Variants in LRRC53 observed in about 807,000 individuals in gnomAD.
LRRC53 encodes the protein leucine-rich repeat-containing protein 53.
Under a neutral mutation model 13.6 loss-of-function variants are expected in LRRC53, and 25 were observed. That is an observed-to-expected ratio of 1.83 (90% CI 1.34 to 2.56). The LOEUF is 2.56. Ranked by LOEUF, LRRC53 falls within the 30% of genes most tolerant of loss-of-function variation. The probability of loss-of-function intolerance (pLI) is 0.00; values close to 1 mark genes in which losing one functional copy is unlikely to be tolerated. For missense variants in LRRC53, 527 were observed against 275.8 expected (o/e 1.91, Z -6.45); for synonymous variants, 204 against 109.8 (o/e 1.86, Z -5.37).
intron 1 of LRRC53, among the ~76,000 whole-genome samples, chr1:74,504,260 C>G (rs9726029): frequency 0.019 from 2,962 of 152,272 alleles, 92 homozygotes; most frequent in African/African-American, 0.067. Flanking sequence ...AACTCCTTTT[C>G]GGCTGATGTG....
chr1:74,532,064 G>A, the LRRC53 span, among the ~76,000 whole-genome samples: 1 of 152,106 alleles, frequency 6.6e-6, no homozygotes, highest in Non-Finnish European at 1.5e-5. Context: ...TAACCTAATG[G>A]TTTTCTGCTC....
rs566581071 is a variant in LRRC53, at chr1:74,492,155, A to G, written c.-26-8780T>C. 6.2e-7 allele frequency: 1 copy of G among 1,612,976 alleles called. No individual in the cohort carries two copies. The highest frequency in any genetic ancestry group is 1.7e-5 in the Admixed American group (1 of 59,990). On this transcript the variant is annotated intron_variant, in intron 1 of 4. Transcript: ENST00000294635. Reference sequence around the variant, plus strand: ...TCTCTCTCACCTTCTTCTTCTTCTGATTGCCTGGTGAACCGGGGAGGACCT... The same window carrying G: ...TCTCTCTCACCTTCTTCTTCTTCTGGTTGCCTGGTGAACCGGGGAGGACCT...
the LRRC53 span, among the ~76,000 whole-genome samples, chr1:74,531,565 T>A: frequency 6.6e-6 from 1 of 152,208 alleles, no homozygotes; most frequent in African/African-American, 2.4e-5. Flanking sequence ...TGTTTTCAGC[T>A]AAATGCCAAA....
At chr1:74,492,045 T>C (rs1001974437) in intron 1 of LRRC53, 59 of 1,418,032 alleles carry the variant, frequency 4.2e-5, no homozygotes, top group Non-Finnish European at 5.4e-5. Flanking sequence ...ATGTTATGTC[T>C]TCACACCTGT....
chr1:74,536,246 G>T, the LRRC53 span, among the ~76,000 whole-genome samples: 2 of 152,006 alleles, frequency 1.3e-5, no homozygotes, highest in African/African-American at 2.4e-5. Flanking sequence ...TTTACCTAGG[G>T]TGCATTAATT....
upstream of LRRC53, among the ~76,000 whole-genome samples, chr1:74,513,330 C>T (rs1361299504): frequency 6.6e-6 from 1 of 152,176 alleles, no homozygotes; most frequent in African/African-American, 2.4e-5. Context: ...ACTAGGTGTT[C>T]TTATCAGAGT....
upstream of LRRC53, among the ~76,000 whole-genome samples, chr1:74,513,305 AT>A (rs1646290904): frequency 6.6e-6 from 1 of 152,214 alleles, no homozygotes; most frequent in Non-Finnish European, 1.5e-5. Flanking sequence ...TCCTTTCATT[AT>A]TTTAATCCAG....
In LRRC53 at chr1:74,480,917, G is replaced by A. The variant is rs750887729; in HGVS notation, c.140C>T (p.Ser47Phe). ...GAGAGACAGGTTTGTGCTCTCAATA[G>A]AGGAGAGATATCCATCGGTGATGAT... ...VLIITDGYLS[S>F]IESTNLSLLF... The change falls in exon 3 of 5, where the codon TCT (serine) becomes TTT (phenylalanine). Residue 47 changes from serine (S) to phenylalanine (F), a missense_variant. Transcript: ENST00000294635. 36 of 717,280 alleles carry A rather than the reference G, an allele frequency of 5.0e-5. No homozygotes were observed. Among genetic ancestry groups the A allele is most frequent in the Non-Finnish European group, 9.1e-5 (35 of 385,092 alleles). The allele number at this position is 717,280 out of a possible 1,614,324, so 44.4% of individuals were successfully genotyped here.
intron 1 of LRRC53, among the ~76,000 whole-genome samples, chr1:74,497,947 C>G (rs904944329): frequency 2.6e-5 from 4 of 152,278 alleles, no homozygotes; most frequent in South Asian, 4.1e-4. Flanking sequence ...TCTCTCTTCT[C>G]AGATGCATCC....
intron 1 of LRRC53, among the ~76,000 whole-genome samples, chr1:74,498,956 A>C (rs1365325425): frequency 3.3e-5 from 5 of 152,244 alleles, no homozygotes; most frequent in Non-Finnish European, 5.9e-5. Flanking sequence ...TTTAGCATGA[A>C]ATAAAAGCAA....
the LRRC53 span, among the ~76,000 whole-genome samples, chr1:74,520,711 G>T: frequency 6.6e-6 from 1 of 152,054 alleles, no homozygotes; most frequent in South Asian, 2.1e-4. Context: ...AGGAAGGGAG[G>T]CCTGGGGCAT....
Position 74,480,503 on chromosome 1 carries a change from T to C in LRRC53, c.554A>G (p.Glu185Gly), listed in dbSNP as rs1444025282. The C allele has an allele frequency of 2.8e-6, 2 of 717,524 alleles. No individual in the cohort carries two copies. Among genetic ancestry groups the C allele is most frequent in the South Asian group, 3.0e-5 (2 of 67,602 alleles). 44.4% of individuals were successfully genotyped at this position (717,524 alleles called of 1,614,324 possible). ...TAACCTATTTCGGGAAAGGTCCACT[T>C]CCTGTAGTTGAGGCAGGGGCCGGAA... ...DAFRPLPQLQ[E>G]VDLSRNRLAH... Residue 185 changes from glutamate (E) to glycine (G), a missense_variant, in exon 3 of 5, where the codon GAA (glutamate) becomes GGA (glycine). Physicochemically the swap from Glu to Gly is moderately conservative, Grantham distance 98 (BLOSUM62 -2). Coordinates refer to ENST00000294635, the MANE Select transcript of LRRC53 (RefSeq NM_001382280.1).
At position 74,480,067 on chromosome 1, in the gene LRRC53, G is replaced by A. The variant is rs188334457; in HGVS notation, c.904+86C>T. 1.3e-4 allele frequency: 81 copies of A among 624,312 alleles called. No individual in the cohort carries two copies. The African/African-American group carries it at 1.3e-3, about 10-fold the overall frequency. 38.7% of individuals were successfully genotyped at this position (624,312 alleles called of 1,614,324 possible). A position where few individuals can be genotyped will look rare whatever the true frequency, so the allele number is the denominator to read the frequency against. ...TCCTTTCCATAGCCCTGGCAACCAAGTGTCTGAGATAAGCATCACTTAGCA... is the reference window on the plus strand; with the variant it reads ...TCCTTTCCATAGCCCTGGCAACCAAATGTCTGAGATAAGCATCACTTAGCA... On this transcript the variant is annotated intron_variant, in intron 3 of 4. Coordinates refer to ENST00000294635, the MANE Select transcript of LRRC53 (RefSeq NM_001382280.1).
chr1:74,523,380 A>AT, the LRRC53 span, among the ~76,000 whole-genome samples: 31 of 151,906 alleles, frequency 2.0e-4, no homozygotes, highest in African/African-American at 6.3e-4. Flanking sequence ...AGAACAAGCA[A>AT]TTTTTTTTCC....
In LRRC53 at chr1:74,470,920, G is replaced by T. The variant is rs1436539026; in HGVS notation, c.2702C>A (p.Thr901Lys). ...QHSRRATDQG[T>K]TESTEHMGQN... ...TCCCATGTGCTCAGTGGACTCCGTT[G>T]TCCCTTGGTCAGTAGCCCTCCTGGA... The change falls in exon 5 of 5, where the codon ACA (threonine) becomes AAA (lysine). Residue 901 changes from threonine (T) to lysine (K), a missense_variant. Transcript: ENST00000294635. 7.5e-6 allele frequency: 3 copies of T among 400,582 alleles called. No homozygotes were observed. Among genetic ancestry groups the T allele is most frequent in the African/African-American group, 6.2e-5 (3 of 48,686 alleles). The allele number at this position is 400,582 out of a possible 1,614,324, so 24.8% of individuals were successfully genotyped here.
In LRRC53 at chr1:74,469,505, A is replaced by C. The variant is rs1667819677; in HGVS notation, c.*373T>G. ...ACCACTAATTGAGATATGTATAATAATTTACATGAAATAAACATCAAATGT... is the reference window on the plus strand; with the variant it reads ...ACCACTAATTGAGATATGTATAATACTTTACATGAAATAAACATCAAATGT... On this transcript the variant is annotated 3_prime_UTR_variant, in exon 5 of 5. Coordinates refer to ENST00000294635, the MANE Select transcript of LRRC53 (RefSeq NM_001382280.1). The C allele has an allele frequency of 6.2e-6, 1 of 161,596 alleles. No homozygotes were observed. The highest frequency in any genetic ancestry group is 6.4e-5 in the Admixed American group (1 of 15,574). 10.0% of individuals were successfully genotyped at this position (161,596 alleles called of 1,614,324 possible).
intron 1 of LRRC53, among the ~76,000 whole-genome samples, chr1:74,497,118 T>C (rs1016373991): frequency 3.3e-5 from 5 of 152,282 alleles, no homozygotes; most frequent in African/African-American, 9.6e-5. Context: ...TTATAAAAGT[T>C]GAATATAACT....
At chr1:74,531,334 A>T in the LRRC53 span, among the ~76,000 whole-genome samples, 1 of 152,248 alleles carries the variant, frequency 6.6e-6, no homozygotes, top group Non-Finnish European at 1.5e-5. Context: ...ATAAATAAAC[A>T]TATTGAACTT....
rs755649258 is a variant in LRRC53 at position 74,475,635 on chromosome 1, C to A, written c.1080G>T (p.Gln360His). The A allele has an allele frequency of 9.6e-5, 69 of 717,030 alleles. No individual in the cohort carries two copies. The highest frequency in any genetic ancestry group is 1.6e-4 in the Non-Finnish European group (62 of 384,906). 44.4% of individuals were successfully genotyped at this position (717,030 alleles called of 1,614,324 possible). Reference sequence around the variant, plus strand: ...TGGACATGACCTTTATCTCGTTTTCCTGAGTTAAGTGGCAGTTGCAGTATC... The same window carrying A: ...TGGACATGACCTTTATCTCGTTTTCATGAGTTAAGTGGCAGTTGCAGTATC... ...TKGYCNCHLT[Q>H]ENEIKVMSTV... is the part of the protein sequence containing the mutation. The change falls in exon 4 of 5, where the codon CAG becomes CAT. Residue 360 changes from glutamine (Q) to histidine (H), a missense_variant. By Grantham distance (24) the Gln-to-His change is conservative. Transcript: ENST00000294635.
Sources: gnomAD v4.1 joint callset for allele counts (sites outside exome capture counted in the v4.1 genomes callset) on GRCh38, gnomAD v4.1.1 for gene constraint, MANE v1.5 for transcripts, NCBI Gene and HGNC (gene_info 2026-07-23, HGNC 2026-07-21) for gene names.